TRPC1: variants seen among roughly 807,000 people sequenced by gnomAD.
TRPC1 encodes the protein transient receptor potential cation channel subfamily C member 1, also known as short transient receptor potential channel 1.
In TRPC1, 42 loss-of-function variants were observed where a neutral mutation model predicts 88.2. The ratio of observed to expected loss-of-function variants is 0.48; its 90% CI spans 0.37 to 0.62. TRPC1 has a LOEUF of 0.62. Ranked by LOEUF, TRPC1 falls within the 20% of genes least tolerant of loss-of-function variation. The probability of loss-of-function intolerance (pLI) is 0.00; values close to 1 mark genes in which losing one functional copy is unlikely to be tolerated. For missense variants in TRPC1, 699 were observed against 957.3 expected (o/e 0.73, Z 3.56); for synonymous variants, 288 against 331.8 (o/e 0.87, Z 1.43).
At chr3:142,770,913 A>G (rs1935552529) in intron 4 of TRPC1, among the ~76,000 whole-genome samples, 1 of 152,260 alleles carries the variant, frequency 6.6e-6, no homozygotes, top group Non-Finnish European at 1.5e-5. Context: ...TACAAGAAAC[A>G]TAGTGCCAGC....
chr3:142,730,542 A>G (rs1385769287), intron 1 of TRPC1, among the ~76,000 whole-genome samples: 2 of 151,244 alleles, frequency 1.3e-5, no homozygotes, highest in Non-Finnish European at 2.9e-5. Flanking sequence ...GGTCTGTAAT[A>G]CGAGTTTTGC....
intron 3 of TRPC1, among the ~76,000 whole-genome samples, chr3:142,747,991 C>G (rs1934620726): frequency 6.6e-6 from 1 of 152,088 alleles, no homozygotes; most frequent in Non-Finnish European, 1.5e-5. Flanking sequence ...TAGATATTCT[C>G]ACTTCTTTGT....
At chr3:142,733,229 G>C (rs1197620817) in intron 1 of TRPC1, among the ~76,000 whole-genome samples, 1 of 151,978 alleles carries the variant, frequency 6.6e-6, no homozygotes, top group African/African-American at 2.4e-5. Context: ...TAAAACCTTA[G>C]GGCTGGGCAC....
chr3:142,743,349 A>G (rs999085900), intron 2 of TRPC1, 136 bp from the exon 3 acceptor site: 23 of 609,716 alleles, frequency 3.8e-5, no homozygotes, highest in Non-Finnish European at 5.5e-5. Context: ...TGTACAGTCA[A>G]AATTTTTGAA....
chr3:142,729,754 T>G (rs1010952059), intron 1 of TRPC1, among the ~76,000 whole-genome samples: 4 of 152,172 alleles, frequency 2.6e-5, no homozygotes, highest in Admixed American at 2.6e-4. Context: ...CTGAGAAATT[T>G]AAGATTTAAG....
intron 3 of TRPC1, among the ~76,000 whole-genome samples, chr3:142,744,884 G>C (rs72988611): frequency 0.03 from 4,527 of 152,252 alleles, 238 homozygotes; most frequent in African/African-American, 0.1. Flanking sequence ...GAAACAAGCA[G>C]TTTAAATAAC....
intron 4 of TRPC1, among the ~76,000 whole-genome samples, chr3:142,753,147 G>A (rs1398194036): frequency 6.6e-6 from 1 of 152,156 alleles, no homozygotes; most frequent in Non-Finnish European, 1.5e-5. Context: ...GGTCTTACAG[G>A]TTGAAGCTAG....
chr3:142,794,548 C>G (rs1176319921), intron 9 of TRPC1, among the ~76,000 whole-genome samples: 2 of 152,158 alleles, frequency 1.3e-5, no homozygotes, highest in Admixed American at 6.6e-5. Context: ...ACAAAGATCA[C>G]TCCAGCTTAC....
chr3:142,771,525 T>G (rs1935577479), intron 4 of TRPC1, among the ~76,000 whole-genome samples: 2 of 152,210 alleles, frequency 1.3e-5, no homozygotes, highest in Non-Finnish European at 2.9e-5. Flanking sequence ...ATGTTACTCC[T>G]ATACATCTGT....
At chr3:142,795,459 G>T (rs915303283) in intron 9 of TRPC1, among the ~76,000 whole-genome samples, 6 of 151,832 alleles carry the variant, frequency 4.0e-5, no homozygotes, top group African/African-American at 1.5e-4. Flanking sequence ...AATCTTCAAA[G>T]CAAACAGAGA....
chr3:142,798,498 G>C, intron 9 of TRPC1, among the ~76,000 whole-genome samples: 1 of 152,180 alleles, frequency 6.6e-6, no homozygotes, highest in East Asian at 1.9e-4. Flanking sequence ...CTTAGAGGAG[G>C]TGGCATTTGA....
chr3:142,803,077 G>A (rs181544119), intron 10 of TRPC1, among the ~76,000 whole-genome samples: 10 of 152,284 alleles, frequency 6.6e-5, no homozygotes, highest in African/African-American at 2.4e-4. Context: ...TTACATTCTA[G>A]GGAGGTGATA....
rs1936308065 is a variant in TRPC1 at position 142,792,003 on chromosome 3, CTG to C, written c.1438-819_1438-818del. ...AAGGAACTAAAATATATAATATTCT[CTG>C]TTTTTTATTAGTTCTTAGATTATTG... On this transcript the variant is annotated intron_variant, in intron 8 of 12. Coordinates refer to ENST00000476941, the MANE Select transcript of TRPC1 (RefSeq NM_001251845.2). The surrounding 1 kb of genome is among the most constrained non-coding windows in gnomAD (Gnocchi z 4.0). Among the ~76,000 whole-genome samples, 2 of 151,904 alleles carry C rather than the reference CTG, an allele frequency of 1.3e-5. No individual in the cohort carries two copies. Among genetic ancestry groups the C allele is most frequent in the Non-Finnish European group, 2.9e-5 (2 of 67,896 alleles).
intron 7 of TRPC1, among the ~76,000 whole-genome samples, chr3:142,786,915 T>C (rs1936151381): frequency 6.6e-6 from 1 of 152,198 alleles, no homozygotes; most frequent in South Asian, 2.1e-4. Flanking sequence ...TTATATGTCT[T>C]AGCAATGAGT....
chr3:142,769,817 G>A (rs1935516595), intron 4 of TRPC1, among the ~76,000 whole-genome samples: 1 of 152,152 alleles, frequency 6.6e-6, no homozygotes, highest in East Asian at 1.9e-4. Context: ...TCTGGAGAAT[G>A]TTTTATGTAG....
rs1933596827 is a variant in TRPC1, at chr3:142,724,747, C to T, written c.172+16C>T. ...TGCGACAAGGGTGAGAGTTAGGCCC[C>T]TTTCTCCTCTGGACGCCCCTGTCCT... On this transcript the variant is annotated intron_variant, in intron 1 of 12. Coordinates refer to ENST00000476941, the MANE Select transcript of TRPC1 (RefSeq NM_001251845.2). The surrounding 1 kb of genome is among the most constrained non-coding windows in gnomAD (Gnocchi z 5.6). 1.9e-6 allele frequency: 3 copies of T among 1,551,062 alleles called. No individual in the cohort carries two copies. In the African/African-American group the frequency reaches 4.2e-5, roughly 22 times the overall value.
intron 1 of TRPC1, among the ~76,000 whole-genome samples, chr3:142,733,195 C>T (rs1933997677): frequency 6.6e-6 from 1 of 151,994 alleles, no homozygotes; most frequent in African/African-American, 2.4e-5. Context: ...TGTATAGCTC[C>T]TTGACTACAA....
At chr3:142,796,193 G>C (rs374522975) in intron 9 of TRPC1, among the ~76,000 whole-genome samples, 1 of 152,082 alleles carries the variant, frequency 6.6e-6, no homozygotes, top group East Asian at 1.9e-4. Flanking sequence ...TAGCAGAACT[G>C]GGATTCCGCC....
chr3:142,748,817 A>G (rs970094205), intron 4 of TRPC1, among the ~76,000 whole-genome samples: 4 of 152,034 alleles, frequency 2.6e-5, no homozygotes, highest in Non-Finnish European at 5.9e-5. Flanking sequence ...AATCAAAACT[A>G]TTTTCTGTCT....
Sources: allele counts gnomAD v4.1 joint callset (sites outside exome capture counted in the v4.1 genomes callset), GRCh38; gene constraint gnomAD v4.1.1; non-coding constraint Gnocchi (gnomAD v3.1); transcripts MANE v1.5; gene names NCBI Gene and HGNC (gene_info 2026-07-23, HGNC 2026-07-21).